Variants in BCKDHB observed in about 807,000 individuals in gnomAD.
BCKDHB encodes the protein 2-oxoisovalerate dehydrogenase subunit beta, mitochondrial.
BCKDHB carries 41 observed loss-of-function variants against 48.5 expected under a neutral mutation model. The observed-to-expected ratio is 0.85, with a 90% CI of 0.66 to 1.10. The LOEUF is 1.10. Among genes scored for constraint, BCKDHB ranks in the 50% least tolerant of loss-of-function variants. BCKDHB has a pLI of 0.00. For synonymous variants in BCKDHB, 201 were observed against 174.8 expected (o/e 1.15, Z -1.18); for missense variants, 496 against 494.2 (o/e 1.00, Z -0.03).
At chr6:80,260,854 A>G (rs796763988) in intron 8 of BCKDHB, among the ~76,000 whole-genome samples, 2 of 152,328 alleles carry the variant, frequency 1.3e-5, no homozygotes, top group African/African-American at 2.4e-5. Flanking sequence ...AACATAACAG[A>G]AAGTGCATCT....
At chr6:80,126,190 G>A (rs143049840) in intron 1 of BCKDHB, among the ~76,000 whole-genome samples, 23 of 152,308 alleles carry the variant, frequency 1.5e-4, no homozygotes, top group Non-Finnish European at 2.6e-4. Context: ...GGCAGAGGAC[G>A]TATCTGACTG....
intron 2 of BCKDHB, among the ~76,000 whole-genome samples, chr6:80,128,392 A>G (rs996433258): frequency 1.3e-5 from 2 of 152,092 alleles, no homozygotes; most frequent in African/African-American, 4.8e-5. Flanking sequence ...AAACATAGAG[A>G]AGGGTGAGTT....
At chr6:80,213,611 C>G (rs1026619649) in intron 8 of BCKDHB, among the ~76,000 whole-genome samples, 1 of 151,892 alleles carries the variant, frequency 6.6e-6, no homozygotes, top group Non-Finnish European at 1.5e-5. Context: ...CTCCCCCTCA[C>G]TCTCTGCCCA....
the BCKDHB span, among the ~76,000 whole-genome samples, chr6:80,361,501 T>C: frequency 6.6e-6 from 1 of 152,176 alleles, no homozygotes; most frequent in Non-Finnish European, 1.5e-5. Flanking sequence ...TAGAGGAAGG[T>C]TAAGGTGAAA....
At chr6:80,190,564 G>A (rs1367380745) in intron 6 of BCKDHB, among the ~76,000 whole-genome samples, 2 of 152,046 alleles carry the variant, frequency 1.3e-5, no homozygotes, top group African/African-American at 4.8e-5. Context: ...GATAAAAGGT[G>A]ATACTTTAAA....
chr6:80,152,403 A>T (rs997970841), intron 3 of BCKDHB, among the ~76,000 whole-genome samples: 1 of 152,178 alleles, frequency 6.6e-6, no homozygotes, highest in Non-Finnish European at 1.5e-5. Flanking sequence ...CATAGTAAAT[A>T]TCAGTTTGCC....
At chr6:80,414,039 T>A in the BCKDHB span, among the ~76,000 whole-genome samples, 1 of 152,228 alleles carries the variant, frequency 6.6e-6, no homozygotes, top group African/African-American at 2.4e-5. Context: ...TTTGCATTTC[T>A]TTAATAATCA....
chr6:80,416,019 AT>A, the BCKDHB span, among the ~76,000 whole-genome samples: 33 of 150,046 alleles, frequency 2.2e-4, no homozygotes, highest in East Asian at 3.9e-3. Context: ...TTTCTTCAGG[AT>A]TTTTTTTTAT....
chr6:80,368,160 G>C, the BCKDHB span, among the ~76,000 whole-genome samples: 1 of 152,064 alleles, frequency 6.6e-6, no homozygotes, highest in Admixed American at 6.6e-5. Flanking sequence ...TCCCTGTCTT[G>C]CTCCCAGTTT....
intron 3 of BCKDHB, among the ~76,000 whole-genome samples, chr6:80,165,302 G>A (rs1319388268): frequency 6.6e-6 from 1 of 152,092 alleles, no homozygotes; most frequent in East Asian, 1.9e-4. Flanking sequence ...CAGTCAAATA[G>A]GGAATTGATG....
the BCKDHB span, among the ~76,000 whole-genome samples, chr6:80,416,188 C>T: frequency 4.7e-5 from 7 of 149,268 alleles, no homozygotes; most frequent in Admixed American, 4.7e-4. Context: ...AGTGGTCTAC[C>T]TATTTTATTA....
At chr6:80,327,917 T>G (rs1769117121) in intron 9 of BCKDHB, among the ~76,000 whole-genome samples, 1 of 127,592 alleles carries the variant, frequency 7.8e-6, no homozygotes. Flanking sequence ...CCCTCCCTTC[T>G]CCCCTCCCCT....
At chr6:80,174,921 G>A (rs996757464) in intron 6 of BCKDHB, among the ~76,000 whole-genome samples, 2 of 152,134 alleles carry the variant, frequency 1.3e-5, no homozygotes, top group African/African-American at 2.4e-5. Context: ...TTATGGAATG[G>A]TATCTTAAAC....
At chr6:80,411,805 G>T in the BCKDHB span, among the ~76,000 whole-genome samples, 1 of 152,212 alleles carries the variant, frequency 6.6e-6, no homozygotes, top group African/African-American at 2.4e-5. Context: ...TTTGCCGGTT[G>T]CTAAGACCAT....
intron 3 of BCKDHB, among the ~76,000 whole-genome samples, chr6:80,136,814 T>A (rs1322937330): frequency 6.6e-6 from 1 of 152,108 alleles, no homozygotes. Flanking sequence ...TTCTCCCAAA[T>A]TGATAATTTA....
chr6:80,405,753 G>T, the BCKDHB span, among the ~76,000 whole-genome samples: 4 of 152,148 alleles, frequency 2.6e-5, no homozygotes, highest in East Asian at 7.7e-4. Context: ...TATAGTTACA[G>T]CAGCTTATTT....
At chr6:80,267,793 A>G (rs146165941) in intron 8 of BCKDHB, among the ~76,000 whole-genome samples, 5 of 152,216 alleles carry the variant, frequency 3.3e-5, no homozygotes, top group African/African-American at 1.2e-4. Flanking sequence ...GAGGATGTAC[A>G]AAAATTTCCC....
At chr6:80,166,652 A>G (rs555435803) in intron 3 of BCKDHB, among the ~76,000 whole-genome samples, 2 of 125,178 alleles carry the variant, frequency 1.6e-5, no homozygotes, top group Non-Finnish European at 3.6e-5. Flanking sequence ...GCAAAACTCC[A>G]TCTCAAAAAA....
intron 9 of BCKDHB, among the ~76,000 whole-genome samples, chr6:80,333,989 C>CTCA (rs1459559435): frequency 6.6e-6 from 1 of 151,994 alleles, no homozygotes; most frequent in Admixed American, 6.6e-5. Context: ...TAAAACTGGG[C>CTCA]TCATCTTATC....
Sources: gnomAD v4.1 joint callset for allele counts (sites outside exome capture counted in the v4.1 genomes callset) on GRCh38, gnomAD v4.1.1 for gene constraint, MANE v1.5 for transcripts, NCBI Gene and HGNC (gene_info 2026-07-23, HGNC 2026-07-21) for gene names.